LHFPL6: variants seen among roughly 807,000 people sequenced by gnomAD.
The protein encoded by LHFPL6 is LHFPL tetraspan subfamily member 6 protein.
LHFPL6 carries 9 observed loss-of-function variants against 20.6 expected under a neutral mutation model. The observed-to-expected ratio is 0.44, with a 90% confidence interval of 0.26 to 0.76. LHFPL6 has a LOEUF of 0.76. Among genes scored for constraint, LHFPL6 ranks in the 30% least tolerant of loss-of-function variants. The pLI is 0.20. For missense variants in LHFPL6, 218 were observed against 253.5 expected, an observed-to-expected ratio of 0.86 and a Z score of 0.95; for synonymous variants, 105 against 98.7, an observed-to-expected ratio of 1.06 and a Z score of -0.38.
chr13:39,466,531 T>A (rs1461233355), intron 2 of LHFPL6, among the ~76,000 whole-genome samples: 1 of 152,178 alleles, frequency 6.6e-6, no homozygotes, highest in Non-Finnish European at 1.5e-5. Context: ...TTTACAAAGG[T>A]CACAGACTAG....
At chr13:39,566,967 T>C (rs1316263074) in intron 2 of LHFPL6, among the ~76,000 whole-genome samples, 1 of 152,040 alleles carries the variant, frequency 6.6e-6, no homozygotes, top group East Asian at 1.9e-4. Context: ...GAGAAAATAA[T>C]GTTAAAAGCA....
At chr13:39,440,960 T>C (rs972498829) in intron 2 of LHFPL6, among the ~76,000 whole-genome samples, 1 of 152,010 alleles carries the variant, frequency 6.6e-6, no homozygotes, top group African/African-American at 2.4e-5. Context: ...ATGTGCCTTT[T>C]ACCTTCTGCC....
chr13:39,546,444 C>G (rs781725318), intron 2 of LHFPL6, among the ~76,000 whole-genome samples: 26 of 152,108 alleles, frequency 1.7e-4, no homozygotes, highest in Non-Finnish European at 2.6e-4. Context: ...AATTTGAGAA[C>G]CAATAATCCA....
intron 2 of LHFPL6, among the ~76,000 whole-genome samples, chr13:39,464,688 A>G (rs1170854416): frequency 2.1e-5 from 3 of 141,712 alleles, no homozygotes. Flanking sequence ...CTATTGGGGG[A>G]AAAAGCACAG....
At chr13:39,427,282 G>A (rs570251138) in intron 2 of LHFPL6, among the ~76,000 whole-genome samples, 1 of 152,182 alleles carries the variant, frequency 6.6e-6, no homozygotes, top group Admixed American at 6.5e-5. Context: ...TCTTTTCCTT[G>A]CTTTATTCCA....
intron 2 of LHFPL6, among the ~76,000 whole-genome samples, chr13:39,481,197 A>T (rs1868507824): frequency 6.6e-6 from 1 of 152,210 alleles, no homozygotes; most frequent in Admixed American, 6.5e-5. Flanking sequence ...TTGAAAAAAC[A>T]TCAGGCAATA....
chr13:39,479,719 G>GCTC (rs1868440337), intron 2 of LHFPL6, among the ~76,000 whole-genome samples: 1 of 152,156 alleles, frequency 6.6e-6, no homozygotes, highest in Admixed American at 6.5e-5. Flanking sequence ...AGAACTCACA[G>GCTC]ACTAGAAAGG....
intron 2 of LHFPL6, among the ~76,000 whole-genome samples, chr13:39,499,142 C>T (rs892266478): frequency 1.3e-5 from 2 of 151,932 alleles, no homozygotes; most frequent in East Asian, 1.9e-4. Flanking sequence ...AGATTACAGG[C>T]GTGTACCACG....
chr13:39,599,605 C>G (rs904164909), intron 2 of LHFPL6, among the ~76,000 whole-genome samples: 1 of 152,214 alleles, frequency 6.6e-6, no homozygotes, highest in African/African-American at 2.4e-5. Context: ...AAAGTTACAT[C>G]AGTAAGGAAA....
intron 3 of LHFPL6, among the ~76,000 whole-genome samples, chr13:39,345,717 T>A (rs1398874350): frequency 6.6e-6 from 1 of 151,958 alleles, no homozygotes. Context: ...ATGGCATAGA[T>A]AACCTTTCAT....
chr13:39,501,725 GGCTGGAACCCCT>G (rs918398856), intron 2 of LHFPL6, among the ~76,000 whole-genome samples: 17 of 152,302 alleles, frequency 1.1e-4, no homozygotes, highest in African/African-American at 4.1e-4. Context: ...GGAGAGGGCA[GGCTGGAACCCCT>G]GCTCTTAGTG....
At chr13:39,431,550 T>G (rs747311125) in intron 2 of LHFPL6, among the ~76,000 whole-genome samples, 2 of 152,156 alleles carry the variant, frequency 1.3e-5, no homozygotes, top group Non-Finnish European at 2.9e-5. Flanking sequence ...TCTTATTACT[T>G]TGATGTCTAA....
intron 2 of LHFPL6, among the ~76,000 whole-genome samples, chr13:39,520,879 G>A (rs1870086290): frequency 6.6e-6 from 1 of 152,084 alleles, no homozygotes. Context: ...TCTGGACGTT[G>A]GTATTTTTCC....
intron 2 of LHFPL6, among the ~76,000 whole-genome samples, chr13:39,408,665 T>C (rs528833661): frequency 1.3e-5 from 2 of 152,190 alleles, no homozygotes; most frequent in African/African-American, 4.8e-5. Flanking sequence ...GCTTGAGCCT[T>C]TGAAAATAAA....
chr13:39,372,697 A>G (rs1870193868), intron 3 of LHFPL6, among the ~76,000 whole-genome samples: 1 of 152,230 alleles, frequency 6.6e-6, no homozygotes, highest in East Asian at 1.9e-4. Flanking sequence ...GTTCTCTCCA[A>G]TTCTCCTTTC....
chr13:39,456,591 A>G (rs1872575315), intron 2 of LHFPL6, among the ~76,000 whole-genome samples: 1 of 152,250 alleles, frequency 6.6e-6, no homozygotes, highest in African/African-American at 2.4e-5. Flanking sequence ...TTTTTGACAA[A>G]GATGCCAAGG....
intron 2 of LHFPL6, among the ~76,000 whole-genome samples, chr13:39,443,226 C>G (rs1872186675): frequency 6.6e-6 from 1 of 152,150 alleles, no homozygotes; most frequent in African/African-American, 2.4e-5. Flanking sequence ...TTTTCTTCCT[C>G]TGTCTCTCAT....
chr13:39,542,370 C>T (rs1053893261), intron 2 of LHFPL6, among the ~76,000 whole-genome samples: 2 of 152,144 alleles, frequency 1.3e-5, no homozygotes, highest in African/African-American at 2.4e-5. Context: ...TGTGGCCACA[C>T]GCTCACTGTT....
Position 39,562,431 on chromosome 13 carries a change from C to CAT in LHFPL6, c.385+38399_385+38400dup, listed in dbSNP as rs757006828. Among the ~76,000 whole-genome samples the CAT allele has an allele frequency of 4.3e-3, 400 of 91,986 alleles. 2 individuals are homozygous for CAT. The highest frequency in any genetic ancestry group is 0.022 in the Middle Eastern group (4 of 184). The allele number at this position is 91,986 out of a possible 152,430, so 60.3% of individuals were successfully genotyped here. A position where few individuals can be genotyped will look rare whatever the true frequency, so the allele number is the denominator to read the frequency against. On this transcript the variant is annotated intron_variant, in intron 2 of 3. Transcript: ENST00000379589. The stretch of plus-strand genomic sequence containing the variant: ...ACACATATACACATATACATATATA[C>CAT]ATATATACATATATACACATATATA...
Sources: gnomAD v4.1 joint callset for allele counts (sites outside exome capture counted in the v4.1 genomes callset) on GRCh38, gnomAD v4.1.1 for gene constraint, MANE v1.5 for transcripts, NCBI Gene and HGNC (gene_info 2026-07-23, HGNC 2026-07-21) for gene names.